CMSS1: variants seen among roughly 807,000 people sequenced by gnomAD.
The protein encoded by CMSS1 is protein CMSS1.
Under a neutral mutation model 43.5 loss-of-function variants are expected in CMSS1, and 33 were observed. The observed-to-expected ratio is 0.76, with a 90% CI of 0.57 to 1.01. CMSS1 has a LOEUF of 1.01. CMSS1 is among the 50% of genes least tolerant of loss of function. The probability of loss-of-function intolerance (pLI) is 0.00; values close to 1 mark genes in which losing one functional copy is unlikely to be tolerated. For synonymous variants in CMSS1, 115 were observed against 117.2 expected, an observed-to-expected ratio of 0.98 and a Z score of 0.12; for missense variants, 313 against 326.4, an observed-to-expected ratio of 0.96 and a Z score of 0.32.
At chr3:99,965,758 A>G (rs953616853) in intron 1 of CMSS1, among the ~76,000 whole-genome samples, 5 of 152,194 alleles carry the variant, frequency 3.3e-5, no homozygotes, top group Non-Finnish European at 7.3e-5. Context: ...AATGAAGGTT[A>G]CCAGATGGAG....
chr3:99,851,010 C>T, intron 1 of CMSS1: 2 of 1,612,656 alleles, frequency 1.2e-6, no homozygotes, highest in Non-Finnish European at 1.7e-6. Flanking sequence ...TGACCCTTTT[C>T]TCCTTTTCTT....
At chr3:99,943,439 C>T (rs1707910062) in intron 1 of CMSS1, among the ~76,000 whole-genome samples, 1 of 152,148 alleles carries the variant, frequency 6.6e-6, no homozygotes, top group Non-Finnish European at 1.5e-5. Context: ...TATGGTGGCT[C>T]ATGACTGTAA....
At chr3:99,857,765 A>G (rs1271661298) in intron 1 of CMSS1, among the ~76,000 whole-genome samples, 1 of 152,222 alleles carries the variant, frequency 6.6e-6, no homozygotes, top group Non-Finnish European at 1.5e-5. Context: ...GTAAATAGAG[A>G]ATAACTTCAG....
intron 1 of CMSS1, among the ~76,000 whole-genome samples, chr3:100,115,574 TG>T (rs2066555022): frequency 8.4e-6 from 1 of 119,462 alleles, no homozygotes; most frequent in African/African-American, 3.6e-5. Flanking sequence ...TCTCTCTCTC[TG>T]TCTCTCTCTC....
At chr3:99,894,222 A>T (rs1003415485) in intron 1 of CMSS1, among the ~76,000 whole-genome samples, 1 of 152,236 alleles carries the variant, frequency 6.6e-6, no homozygotes, top group East Asian at 1.9e-4. Flanking sequence ...ATTGCATAAG[A>T]TACATAAATA....
At chr3:99,827,451 C>A (rs534509696) in intron 1 of CMSS1, among the ~76,000 whole-genome samples, 17 of 152,122 alleles carry the variant, frequency 1.1e-4, no homozygotes, top group Non-Finnish European at 2.4e-4. Context: ...CTTGGCCTCC[C>A]AAAGTGCTGG....
At chr3:100,108,113 A>G (rs1374319400) in intron 1 of CMSS1, among the ~76,000 whole-genome samples, 1 of 152,142 alleles carries the variant, frequency 6.6e-6, no homozygotes, top group African/African-American at 2.4e-5. Context: ...AAGAAAATAC[A>G]TGATTCAAAT....
chr3:100,106,730 A>C (rs936263186), intron 1 of CMSS1, among the ~76,000 whole-genome samples: 1 of 152,244 alleles, frequency 6.6e-6, no homozygotes, highest in South Asian at 2.1e-4. Context: ...GCTTTAGATG[A>C]GTTATACCCC....
intron 1 of CMSS1, among the ~76,000 whole-genome samples, chr3:99,964,768 T>C (rs1262030196): frequency 6.6e-6 from 1 of 152,162 alleles, no homozygotes; most frequent in Non-Finnish European, 1.5e-5. Context: ...CCTAGGAGAC[T>C]AATGCCCAGA....
intron 1 of CMSS1, among the ~76,000 whole-genome samples, chr3:100,140,073 G>T (rs974162796): frequency 6.6e-6 from 1 of 152,124 alleles, no homozygotes; most frequent in Non-Finnish European, 1.5e-5. Context: ...GTTATTTTTA[G>T]TATATGTAAA....
At chr3:99,907,183 C>T (rs1706644953) in intron 1 of CMSS1, among the ~76,000 whole-genome samples, 1 of 152,098 alleles carries the variant, frequency 6.6e-6, no homozygotes, top group Non-Finnish European at 1.5e-5. Context: ...TACTTTGTCA[C>T]GTTATCATAG....
chr3:99,983,334 G>A (rs2107735566), intron 1 of CMSS1, among the ~76,000 whole-genome samples: 1 of 144,922 alleles, frequency 6.9e-6, no homozygotes, highest in South Asian at 2.2e-4. Flanking sequence ...AGGAGTTCAA[G>A]ACCAGCCTGG....
chr3:99,924,866 T>G (rs1381816519), intron 1 of CMSS1, among the ~76,000 whole-genome samples: 1 of 152,246 alleles, frequency 6.6e-6, no homozygotes, highest in Non-Finnish European at 1.5e-5. Flanking sequence ...ATTCTCTTGT[T>G]AATTGATACT....
intron 1 of CMSS1, among the ~76,000 whole-genome samples, chr3:100,141,809 G>A (rs574135904): frequency 1.3e-5 from 2 of 152,260 alleles, no homozygotes; most frequent in South Asian, 2.1e-4. Flanking sequence ...GGAAGAGGCA[G>A]TGCAGTCTTA....
At chr3:99,931,365 G>A (rs1188914965) in intron 1 of CMSS1, among the ~76,000 whole-genome samples, 1 of 151,588 alleles carries the variant, frequency 6.6e-6, no homozygotes, top group East Asian at 1.9e-4. Flanking sequence ...CTAAGTGCTT[G>A]CTTAAGACGT....
At chr3:100,135,424 T>G (rs1576095216) in intron 1 of CMSS1, among the ~76,000 whole-genome samples, 1 of 137,962 alleles carries the variant, frequency 7.2e-6, no homozygotes, top group African/African-American at 2.7e-5. Context: ...TGAGGAGCCT[T>G]TGTGTGTGTG....
chr3:99,874,221 T>C (rs1383056098), intron 1 of CMSS1: 1 of 152,210 alleles, frequency 6.6e-6, no homozygotes, highest in Non-Finnish European at 1.5e-5. Flanking sequence ...TGTTAGAATT[T>C]TGATGGAAGT....
At chr3:100,006,320 T>A (rs1438517977) in intron 1 of CMSS1, among the ~76,000 whole-genome samples, 1 of 152,150 alleles carries the variant, frequency 6.6e-6, no homozygotes, top group Non-Finnish European at 1.5e-5. Flanking sequence ...GTCATTTCCC[T>A]AAATAATCTC....
At chr3:100,018,185 G>A (rs1710400223) in intron 1 of CMSS1, among the ~76,000 whole-genome samples, 2 of 151,996 alleles carry the variant, frequency 1.3e-5, no homozygotes, top group Admixed American at 1.3e-4. Flanking sequence ...AATTAGCCGG[G>A]CGTGGTGGCA....
Sources: gnomAD v4.1 joint callset for allele counts (sites outside exome capture counted in the v4.1 genomes callset) on GRCh38, gnomAD v4.1.1 for gene constraint, MANE v1.5 for transcripts, NCBI Gene and HGNC (gene_info 2026-07-23, HGNC 2026-07-21) for gene names.